The following AHCY variants were observed in gnomAD, a reference collection of about 807,000 sequenced individuals.
AHCY encodes the protein S-adenosyl-L-homocysteine hydrolase.
AHCY carries 24 observed loss-of-function variants against 45.4 expected under a neutral mutation model. The observed-to-expected ratio is 0.53, with a 90% CI of 0.38 to 0.74. The LOEUF is 0.74. AHCY is among the 30% of genes least tolerant of loss of function. AHCY has a pLI of 0.00. For synonymous variants in AHCY, 245 were observed against 235.1 expected (o/e 1.04, Z -0.39); for missense variants, 449 against 594.1 (o/e 0.76, Z 2.54).
At chr20:34,288,715 T>A (rs1020175976) in intron 8 of AHCY, among the ~76,000 whole-genome samples, 1 of 152,096 alleles carries the variant, frequency 6.6e-6, no homozygotes, top group African/African-American at 2.4e-5. Context: ...ACATATTTAA[T>A]TATCCTAAGG....
At chr20:34,288,905 TCA>T (rs2036275221) in intron 8 of AHCY, among the ~76,000 whole-genome samples, 1 of 152,220 alleles carries the variant, frequency 6.6e-6, no homozygotes, top group Non-Finnish European at 1.5e-5. Context: ...TCTTCCAGTT[TCA>T]GTGCCCCAAT....
chr20:34,271,021 G>A, the AHCY span, among the ~76,000 whole-genome samples: 1 of 152,044 alleles, frequency 6.6e-6, no homozygotes, highest in Non-Finnish European at 1.5e-5. Flanking sequence ...TCACTCAGGT[G>A]GGAGTGCAGT....
chr20:34,239,758 C>T, the AHCY span, among the ~76,000 whole-genome samples: 1 of 152,164 alleles, frequency 6.6e-6, no homozygotes, highest in Non-Finnish European at 1.5e-5. Context: ...CTCTACAAAT[C>T]ACCAAAAGAA....
chr20:34,251,465 G>A, the AHCY span, among the ~76,000 whole-genome samples: 10 of 151,816 alleles, frequency 6.6e-5, no homozygotes, highest in Non-Finnish European at 1.3e-4. Flanking sequence ...TAATAGAGAC[G>A]GGGTTTTACC....
chr20:34,267,226 T>C, the AHCY span, among the ~76,000 whole-genome samples: 3 of 152,072 alleles, frequency 2.0e-5, no homozygotes, highest in African/African-American at 4.8e-5. Context: ...AATCAATAAA[T>C]AGGTAAATAA....
chr20:34,295,241 G>C, intron 2 of AHCY, 154 bp downstream of exon 2: 1 of 935,680 alleles, frequency 1.1e-6, no homozygotes, highest in Non-Finnish European at 1.7e-6. Context: ...TGGCAGCACT[G>C]GGAAACGGAG....
At chr20:34,251,066 C>G in the AHCY span, among the ~76,000 whole-genome samples, 10 of 152,118 alleles carry the variant, frequency 6.6e-5, no homozygotes, top group Non-Finnish European at 1.5e-4. Flanking sequence ...TTGCACTGGA[C>G]CTGTACAAAC....
At chr20:34,239,227 T>A in the AHCY span, among the ~76,000 whole-genome samples, 2 of 152,130 alleles carry the variant, frequency 1.3e-5, no homozygotes, top group African/African-American at 4.8e-5. Flanking sequence ...CAACCCCATG[T>A]TCAAATACTT....
chr20:34,264,883 C>T, the AHCY span, among the ~76,000 whole-genome samples: 1 of 147,210 alleles, frequency 6.8e-6, no homozygotes, highest in African/African-American at 2.5e-5. Context: ...GCAGCCTCAA[C>T]CTCCCAGGCT....
At chr20:34,295,289 G>A (rs1288184410) in intron 2 of AHCY, 106 bp downstream of exon 2, 17 of 1,378,158 alleles carry the variant, frequency 1.2e-5, no homozygotes, top group Middle Eastern at 1.8e-4. Context: ...CCAGGCCCGC[G>A]GTCAGCTCCA....
intron 1 of AHCY, 173 bp downstream of exon 1, chr20:34,303,070 T>C (rs2036836926): frequency 1.0e-6 from 1 of 985,300 alleles, no homozygotes; most frequent in African/African-American, 1.7e-5. Flanking sequence ...AACGGCCCGC[T>C]CATGGCCGCG....
At chr20:34,241,636 AG>A in the AHCY span, 5 of 678,366 alleles carry the variant, frequency 7.4e-6, no homozygotes, top group Admixed American at 2.5e-4. Flanking sequence ...AGTAGTTAAG[AG>A]GAGTTCAGTG....
chr20:34,310,703 A>C (rs2036938713), intron 1 of AHCY, among the ~76,000 whole-genome samples: 2 of 152,348 alleles, frequency 1.3e-5, no homozygotes, highest in South Asian at 4.1e-4. Context: ...TTTTTTGTTT[A>C]AATGAGCTGT....
At chr20:34,239,354 C>T in the AHCY span, among the ~76,000 whole-genome samples, 1 of 151,986 alleles carries the variant, frequency 6.6e-6, no homozygotes, top group Non-Finnish European at 1.5e-5. Context: ...GTAGCTGGGA[C>T]TACAGGCACC....
At chr20:34,285,409 C>CTA (rs1397354938) in intron 9 of AHCY, 31 bp downstream of exon 9, 1 of 1,612,440 alleles carries the variant, frequency 6.2e-7, no homozygotes, top group East Asian at 2.2e-5. Context: ...AGACACGTGA[C>CTA]CCTTGGCTTG....
At position 34,290,409 on chromosome 20, in the gene AHCY, T is replaced by C; in HGVS notation, c.895A>G (p.Ile299Val). ...TCGATCTCCACGTCAAAGTGTCCAA[T>C]GTTACACACAATGGCATCATCCTTC... ...QMKDDAIVCNIGHFDVEIDVK... is the reference protein window; with the variant it reads ...QMKDDAIVCNVGHFDVEIDVK... The change falls in exon 8 of 10, where the codon ATT becomes GTT. Residue 299 changes from isoleucine (I) to valine (V), a missense_variant. Transcript: ENST00000217426. This position sits in a 1 kb window ranked among gnomAD's most constrained non-coding sequence, Gnocchi z 4.5. The C allele has an allele frequency of 1.2e-6, 2 of 1,614,252 alleles. No individual in the cohort carries two copies. Among genetic ancestry groups the C allele is most frequent in the Non-Finnish European group, 1.7e-6 (2 of 1,180,050 alleles).
chr20:34,290,547 C>G lies in AHCY; in HGVS notation c.854+4G>C. On this transcript the variant is annotated splice_donor_region_variant and intron_variant, in intron 7 of 9. Coordinates refer to ENST00000217426, the MANE Select transcript of AHCY (RefSeq NM_000687.4). The surrounding 1 kb of genome is among the most constrained non-coding windows in gnomAD (Gnocchi z 4.5). ...CTCCCCGGGACCCCCCATCTGGCAC[C>G]TACCGGCCAAGGATGATGTCAATAC... 1 of 1,614,144 alleles carries G rather than the reference C, an allele frequency of 6.2e-7. No homozygotes were observed. The highest frequency in any genetic ancestry group is 8.5e-7 in the Non-Finnish European group (1 of 1,180,010).
At chr20:34,266,213 G>A in the AHCY span, among the ~76,000 whole-genome samples, 9 of 151,754 alleles carry the variant, frequency 5.9e-5, no homozygotes, top group African/African-American at 2.2e-4. Flanking sequence ...TTAGCCGGAG[G>A]TGGTGGCGGG....
intron 1 of AHCY, among the ~76,000 whole-genome samples, chr20:34,298,529 CGGA>C (rs2036651714): frequency 7.1e-6 from 1 of 140,878 alleles, no homozygotes; most frequent in Non-Finnish European, 1.5e-5. Flanking sequence ...CGTTACCAGG[CGGA>C]TCGTGGTCCA....
Sources: allele counts gnomAD v4.1 joint callset (sites outside exome capture counted in the v4.1 genomes callset), GRCh38; gene constraint gnomAD v4.1.1; non-coding constraint Gnocchi (gnomAD v3.1); transcripts MANE v1.5; gene names NCBI Gene and HGNC (gene_info 2026-07-23, HGNC 2026-07-21).